Variants in CCDC106 observed in about 807,000 individuals in gnomAD.
The protein encoded by CCDC106 is coiled-coil domain-containing protein 106.
In CCDC106, 17 loss-of-function variants were observed where a neutral mutation model predicts 24.7. The ratio of observed to expected loss-of-function variants is 0.69; its 90% confidence interval spans 0.47 to 1.03. CCDC106 has a LOEUF of 1.03. Among genes scored for constraint, CCDC106 ranks in the 50% least tolerant of loss-of-function variants. The probability of loss-of-function intolerance (pLI) is 0.00; values close to 1 mark genes in which losing one functional copy is unlikely to be tolerated. For missense variants in CCDC106, 337 were observed against 388.9 expected, an observed-to-expected ratio of 0.87 and a Z score of 1.12; for synonymous variants, 211 against 161.3, an observed-to-expected ratio of 1.31 and a Z score of -2.34.
rs777167908 is a variant in CCDC106, at chr19:55,649,325, G to A, written c.136+16G>A. 6 of 1,612,654 alleles carry A rather than the reference G, an allele frequency of 3.7e-6. No homozygotes were observed. The South Asian group carries it at 4.4e-5, about 12-fold the overall frequency. On this transcript the variant is annotated intron_variant, in intron 2 of 4. Transcript: ENST00000586790. ...AACTTCGAGGGTGAGCTGAGGGGGT[G>A]TGGAGGGACTGGAGTCAGCTGGGAA...
rs955551877 is a variant in CCDC106, at chr19:55,652,141, G to A, written c.527-289G>A. ...GACGAGGGTGATGGCTCGGGGTGTC[G>A]GGGGGTGCTGGGACCGCGTGGGTTG... On this transcript the variant is annotated intron_variant, in intron 4 of 4. Coordinates refer to ENST00000586790, the MANE Select transcript of CCDC106 (RefSeq NM_001370470.1). This position sits in a 1 kb window ranked among gnomAD's most constrained non-coding sequence, Gnocchi z 5.9. Among the ~76,000 whole-genome samples the A allele has an allele frequency of 1.3e-5, 2 of 151,916 alleles. No homozygotes were observed. The highest frequency in any genetic ancestry group is 4.8e-5 in the African/African-American group (2 of 41,320).
chr19:55,648,065 C>T (rs551764672), upstream of CCDC106: 4 of 152,412 alleles, frequency 2.6e-5, no homozygotes, highest in Non-Finnish European at 4.4e-5. Context: ...CCCGGGGACT[C>T]TTCAACGAGG....
rs1983436630 is a variant in CCDC106, at chr19:55,652,947, TGCCCAGCCCTGTCCTC to T, written c.*205_*220del. ...CGCCGGCACCCCCTTCCGCTTGGGC[TGCCCAGCCCTGTCCTC>T]GCCGGGCCCCTTCCTCCTGGAAAAC... On this transcript the variant is annotated 3_prime_UTR_variant, in exon 5 of 5. Coordinates refer to ENST00000586790, the MANE Select transcript of CCDC106 (RefSeq NM_001370470.1). The surrounding 1 kb of genome is among the most constrained non-coding windows in gnomAD (Gnocchi z 5.9). The T allele has an allele frequency of 1.8e-6, 1 of 562,194 alleles. No individual in the cohort carries two copies. The highest frequency in any genetic ancestry group is 3.2e-6 in the Non-Finnish European group (1 of 317,422). 34.8% of individuals were successfully genotyped at this position (562,194 alleles called of 1,614,324 possible).
chr19:55,649,086 G>A lies in CCDC106; in HGVS notation c.31+9G>A. 6.2e-7 allele frequency: 1 copy of A among 1,614,044 alleles called. No individual in the cohort carries two copies. On this transcript the variant is annotated intron_variant, in intron 1 of 4. Transcript: ENST00000586790. The stretch of plus-strand genomic sequence containing the variant: ...CAGTCGGAGGCGGACAAGTGAGGAA[G>A]CTGGGTCCCCTTCCCTACCCTGGGT...
At position 55,651,172 on chromosome 19, in the gene CCDC106, G is replaced by A. The variant is rs1983233799; in HGVS notation, c.314-111G>A. On this transcript the variant is annotated intron_variant, in intron 3 of 4. Transcript: ENST00000586790. ...TCCTTGTCTCTCTGTCTCTTTAGGGGACCAGCCCAGGTTGGGGGATCCAGT... is the reference window on the plus strand; with the variant it reads ...TCCTTGTCTCTCTGTCTCTTTAGGGAACCAGCCCAGGTTGGGGGATCCAGT... The A allele has an allele frequency of 7.2e-6, 6 of 832,864 alleles. No individual in the cohort carries two copies. The Admixed American group carries it at 1.1e-4, about 15-fold the overall frequency. The allele number at this position is 832,864 out of a possible 1,614,324, so 51.6% of individuals were successfully genotyped here.
Position 55,653,001 on chromosome 19 carries a change from T to TA in CCDC106, c.*255_*256insA, listed in dbSNP as rs1431594364. 236 of 430,584 alleles carry TA rather than the reference T, an allele frequency of 5.5e-4. No individual in the cohort carries two copies. The highest frequency in any genetic ancestry group is 5.1e-3 in the African/African-American group (223 of 43,770). The allele number at this position is 430,584 out of a possible 1,614,324, so 26.7% of individuals were successfully genotyped here. On this transcript the variant is annotated 3_prime_UTR_variant, in exon 5 of 5. Transcript: ENST00000586790. ...CCTCCTGGAAAACCAGGCAGGCGGG[T>TA]GCCCCCCCCTCGAGTGGGGGACTGT... is the stretch of plus-strand genomic sequence containing the variant.
chr19:55,648,133 G>A (rs191055255), upstream of CCDC106: 4 of 152,414 alleles, frequency 2.6e-5, no homozygotes, highest in African/African-American at 7.2e-5. Flanking sequence ...CCGTCGCTCA[G>A]TTCCACGACA....
intron 3 of CCDC106, chr19:55,649,792 G>T: frequency 1.7e-6 from 1 of 578,744 alleles, no homozygotes; most frequent in Non-Finnish European, 3.1e-6. Flanking sequence ...GTCTACTGGG[G>T]CCCGTCCTCC....
At position 55,648,854 on chromosome 19, in the gene CCDC106, T is replaced by G. The variant is rs1983041014; in HGVS notation, c.-193T>G. On this transcript the variant is annotated 5_prime_UTR_variant, in exon 1 of 5. Coordinates refer to ENST00000586790, the MANE Select transcript of CCDC106 (RefSeq NM_001370470.1). ...CCCAGGAGTTTGAAGCCCAGGCGCG[T>G]TTTGCCTCAGTCCTGGGGTCCAGGC... 6 of 653,660 alleles carry G rather than the reference T, an allele frequency of 9.2e-6. No individual in the cohort carries two copies. In the Admixed American group the frequency reaches 1.5e-4, roughly 17 times the overall value. The allele number at this position is 653,660 out of a possible 1,614,324, so 40.5% of individuals were successfully genotyped here. A position where few individuals can be genotyped will look rare whatever the true frequency, so the allele number is the denominator to read the frequency against.
Position 55,652,703 on chromosome 19 carries a change from A to G in CCDC106, c.800A>G (p.Lys267Arg), listed in dbSNP as rs754744550. ...ETLKKVQALKKSKLLLPITYR... is the reference protein window; with the variant it reads ...ETLKKVQALKRSKLLLPITYR... Reference sequence around the variant, plus strand: ...CTCAAGAAGGTGCAGGCGCTCAAGAAGAGCAAGCTGCTGCTGCCCATCACC... The same window carrying G: ...CTCAAGAAGGTGCAGGCGCTCAAGAGGAGCAAGCTGCTGCTGCCCATCACC... The change falls in exon 5 of 5, where the codon AAG becomes AGG. Residue 267 changes from lysine to arginine, a missense_variant. Physicochemically the swap from Lys to Arg is conservative, Grantham distance 26. Around this residue, in one of 2 missense-constraint regions of CCDC106, gnomAD observed 103 missense variants for 152.4 expected, o/e 0.68. Transcript: ENST00000586790. The surrounding 1 kb of genome is among the most constrained non-coding windows in gnomAD (Gnocchi z 5.9). 2 of 1,612,822 alleles carry G rather than the reference A, an allele frequency of 1.2e-6. No homozygotes were observed. The highest frequency in any genetic ancestry group is 2.2e-5 in the South Asian group (2 of 91,078).
chr19:55,651,546 CTG>C (rs1983278974), intron 4 of CCDC106, 51 bp downstream of exon 4: 5 of 1,259,002 alleles, frequency 4.0e-6, no homozygotes, highest in Non-Finnish European at 5.5e-6. Flanking sequence ...TGCTGAATTG[CTG>C]TGTGTCCTTC....
rs201095990 is a variant in CCDC106, at chr19:55,649,351, G to A, written c.136+42G>A. 4.1e-3 allele frequency: 6,544 copies of A among 1,612,882 alleles called. 32 individuals carry two copies. The highest frequency in any genetic ancestry group is 5.0e-3 in the Middle Eastern group (30 of 6,058). On this transcript the variant is annotated intron_variant, in intron 2 of 4. Coordinates refer to ENST00000586790, the MANE Select transcript of CCDC106 (RefSeq NM_001370470.1). Reference sequence around the variant, plus strand: ...TGGAGGGACTGGAGTCAGCTGGGAAGCCAAGCCCTGAGTCCCAGGGTGTGA... The same window carrying A: ...TGGAGGGACTGGAGTCAGCTGGGAAACCAAGCCCTGAGTCCCAGGGTGTGA...
At position 55,649,599 on chromosome 19, in the gene CCDC106, C is replaced by T. The variant is rs1378740460; in HGVS notation, c.313+15C>T. On this transcript the variant is annotated intron_variant, in intron 3 of 4. Coordinates refer to ENST00000586790, the MANE Select transcript of CCDC106 (RefSeq NM_001370470.1). ...GATGGAGGCAGGTGTGTGTGGGGTGCTCTGATCCACATGCCTCCCTGTCCC... is the reference window on the plus strand; with the variant it reads ...GATGGAGGCAGGTGTGTGTGGGGTGTTCTGATCCACATGCCTCCCTGTCCC... The T allele has an allele frequency of 1.2e-6, 2 of 1,609,358 alleles. No individual in the cohort carries two copies. The highest frequency in any genetic ancestry group is 1.7e-6 in the Non-Finnish European group (2 of 1,177,026).
In CCDC106 at chr19:55,652,737, C is replaced by G; in HGVS notation, c.834C>G (p.Phe278Leu). Residue 278 changes from phenylalanine to leucine, a missense_variant, in exon 5 of 5, where the codon TTC becomes TTG. Coordinates refer to ENST00000586790, the MANE Select transcript of CCDC106 (RefSeq NM_001370470.1). The surrounding 1 kb of genome is among the most constrained non-coding windows in gnomAD (Gnocchi z 5.9). ...SKLLLPITYR[F>L]KR ...TGCTGCTGCCCATCACCTACCGCTTCAAGCGGTGATCGCACCACGCCTCCG... is the reference window on the plus strand; with the variant it reads ...TGCTGCTGCCCATCACCTACCGCTTGAAGCGGTGATCGCACCACGCCTCCG... 5 of 1,610,194 alleles carry G rather than the reference C, an allele frequency of 3.1e-6. No individual in the cohort carries two copies. Among genetic ancestry groups the G allele is most frequent in the Non-Finnish European group, 4.2e-6 (5 of 1,178,240 alleles).
In CCDC106 at chr19:55,652,827, G is replaced by A. The variant is rs555346604; in HGVS notation, c.*81G>A. On this transcript the variant is annotated 3_prime_UTR_variant, in exon 5 of 5. Coordinates refer to ENST00000586790, the MANE Select transcript of CCDC106 (RefSeq NM_001370470.1). This position sits in a 1 kb window ranked among gnomAD's most constrained non-coding sequence, Gnocchi z 5.9. ...GATGACCTGCCCCTCTCCCCGCCGCGCCCCTGCCCCTCCTCCTCGCTCCCT... is the reference window on the plus strand; with the variant it reads ...GATGACCTGCCCCTCTCCCCGCCGCACCCCTGCCCCTCCTCCTCGCTCCCT... 2.1e-3 allele frequency: 2,516 copies of A among 1,216,372 alleles called. 5 individuals are homozygous for A. The highest frequency in any genetic ancestry group is 2.6e-3 in the Non-Finnish European group (2,269 of 877,122). 75.3% of individuals were successfully genotyped at this position (1,216,372 alleles called of 1,614,324 possible).
At chr19:55,649,114 C>G in intron 1 of CCDC106, 37 bp downstream of exon 1, 1 of 1,613,414 alleles carries the variant, frequency 6.2e-7, no homozygotes, top group Admixed American at 1.7e-5. Flanking sequence ...CCCTGGGTCC[C>G]AGTGCGGTCG....
intron 4 of CCDC106, among the ~76,000 whole-genome samples, chr19:55,651,852 CA>C (rs1395400441): frequency 1.3e-5 from 2 of 152,020 alleles, no homozygotes; most frequent in African/African-American, 4.8e-5. Context: ...TAGTAGAGGC[CA>C]GGGTTTCACC....
rs760958457 is a variant in CCDC106 at position 55,652,313 on chromosome 19, G to A, written c.527-117G>A. ...GTTGTTCTCCGTCTCCACCTGCACC[G>A]GCCCGTGCCTCTGCTCGCCGAGATC... On this transcript the variant is annotated intron_variant, in intron 4 of 4. Transcript: ENST00000586790. This position sits in a 1 kb window ranked among gnomAD's most constrained non-coding sequence, Gnocchi z 5.9. 3 of 831,378 alleles carry A rather than the reference G, an allele frequency of 3.6e-6. No individual in the cohort carries two copies. Among genetic ancestry groups the A allele is most frequent in the Admixed American group, 2.6e-5 (1 of 37,820 alleles). 51.5% of individuals were successfully genotyped at this position (831,378 alleles called of 1,614,324 possible). A position where few individuals can be genotyped will look rare whatever the true frequency, so the allele number is the denominator to read the frequency against.
At chr19:55,650,679 T>G (rs899610202) in intron 3 of CCDC106, among the ~76,000 whole-genome samples, 3 of 152,186 alleles carry the variant, frequency 2.0e-5, no homozygotes, top group African/African-American at 7.2e-5. Flanking sequence ...CTCCTCTCAC[T>G]GATGGTTCCA....
Sources: allele counts gnomAD v4.1 joint callset (sites outside exome capture counted in the v4.1 genomes callset), GRCh38; gene constraint gnomAD v4.1.1; regional missense constraint gnomAD v4.1.1; non-coding constraint Gnocchi (gnomAD v3.1); transcripts MANE v1.5; gene names NCBI Gene and HGNC (gene_info 2026-07-23, HGNC 2026-07-21).